STX8: variants seen among roughly 807,000 people sequenced by gnomAD.
STX8 encodes the protein syntaxin-8.
Under a neutral mutation model 37.5 loss-of-function variants are expected in STX8, and 23 were observed. That is an observed-to-expected ratio of 0.61 (90% CI 0.44 to 0.87). The LOEUF (loss-of-function observed/expected upper bound fraction) is 0.87, where lower values mean the gene tolerates loss of function less well. Among genes scored for constraint, STX8 ranks in the 40% least tolerant of loss-of-function variants. The probability of loss-of-function intolerance (pLI) is 0.00; values close to 1 mark genes in which losing one functional copy is unlikely to be tolerated. For synonymous variants in STX8, 115 were observed against 99.1 expected, an observed-to-expected ratio of 1.16 and a Z score of -0.95; for missense variants, 313 against 284.7, an observed-to-expected ratio of 1.10 and a Z score of -0.71.
chr17:9,307,283 C>T (rs556752480), intron 7 of STX8, among the ~76,000 whole-genome samples: 2 of 152,244 alleles, frequency 1.3e-5, no homozygotes, highest in East Asian at 3.9e-4. Flanking sequence ...ATGTGAATTC[C>T]ATCACTAGGC....
At chr17:9,270,963 G>T (rs2142139061) in intron 7 of STX8, among the ~76,000 whole-genome samples, 1 of 152,190 alleles carries the variant, frequency 6.6e-6, no homozygotes, top group East Asian at 1.9e-4. Flanking sequence ...CAGACAACTG[G>T]GCCCATTTTG....
chr17:9,569,751 G>GA (rs1907610434), intron 1 of STX8: 5 of 152,084 alleles, frequency 3.3e-5, no homozygotes, highest in Non-Finnish European at 7.3e-5. Context: ...TTCGAGACCA[G>GA]CCTGGCCAAC....
At chr17:9,389,627 A>G (rs550891824) in intron 6 of STX8, among the ~76,000 whole-genome samples, 2 of 151,912 alleles carry the variant, frequency 1.3e-5, no homozygotes, top group African/African-American at 4.9e-5. Context: ...CATTCTATAT[A>G]TAGGGAGAGA....
intron 7 of STX8, among the ~76,000 whole-genome samples, chr17:9,294,949 G>A (rs550804131): frequency 4.1e-4 from 63 of 152,336 alleles, no homozygotes; most frequent in African/African-American, 1.5e-3. Flanking sequence ...CAAGAAGGCA[G>A]CCATCTGCAA....
chr17:9,479,225 T>C (rs1473141798), intron 6 of STX8, among the ~76,000 whole-genome samples: 2 of 152,096 alleles, frequency 1.3e-5, no homozygotes, highest in Non-Finnish European at 2.9e-5. Flanking sequence ...AAAATATATA[T>C]ACTTAATATA....
At chr17:9,557,349 G>C (rs1022572892) in intron 3 of STX8, 85 bp downstream of exon 3, 3 of 1,136,764 alleles carry the variant, frequency 2.6e-6, no homozygotes, top group African/African-American at 3.1e-5. Context: ...GGGAAAATCT[G>C]GGTGGCCCAG....
intron 6 of STX8, among the ~76,000 whole-genome samples, chr17:9,483,855 T>A (rs1906457963): frequency 6.6e-6 from 1 of 152,118 alleles, no homozygotes; most frequent in Admixed American, 6.6e-5. Context: ...ATCTCAATAA[T>A]CCAGCATCTT....
At chr17:9,372,003 T>G (rs1326513197) in intron 7 of STX8, among the ~76,000 whole-genome samples, 1 of 152,150 alleles carries the variant, frequency 6.6e-6, no homozygotes, top group Non-Finnish European at 1.5e-5. Context: ...CCTTAGAAAT[T>G]TATTTTTAGT....
At chr17:9,408,900 G>C (rs1912887684) in intron 6 of STX8, among the ~76,000 whole-genome samples, 1 of 152,154 alleles carries the variant, frequency 6.6e-6, no homozygotes, top group African/African-American at 2.4e-5. Flanking sequence ...TGGGGATTCT[G>C]AGAAATTAGG....
At chr17:9,378,709 G>T in intron 6 of STX8, 56 bp from the exon 7 acceptor site, 1 of 1,297,324 alleles carries the variant, frequency 7.7e-7, no homozygotes, top group Non-Finnish European at 1.1e-6. Flanking sequence ...TCACATCACA[G>T]TATCACAGCT....
In STX8 at chr17:9,270,652, A is replaced by G. The variant is rs1214770036; in HGVS notation, c.644-20007T>C. ...TAAGTGCTCAGTAAATATGTGTTAA[A>G]GAAATGAATGAATGAGTGAAGAAAT... On this transcript the variant is annotated intron_variant, in intron 7 of 7. Transcript: ENST00000306357. Among the ~76,000 whole-genome samples the G allele has an allele frequency of 3.3e-5, 5 of 152,340 alleles. No individual in the cohort carries two copies. In the East Asian group the frequency reaches 7.7e-4, roughly 23 times the overall value.
At chr17:9,335,587 T>C (rs950229485) in intron 7 of STX8, among the ~76,000 whole-genome samples, 8 of 147,878 alleles carry the variant, frequency 5.4e-5, no homozygotes, top group Non-Finnish European at 8.9e-5. Flanking sequence ...ACACCCAAAC[T>C]GTTAGTAGTC....
chr17:9,305,903 C>T (rs1877276671), intron 7 of STX8, among the ~76,000 whole-genome samples: 1 of 151,768 alleles, frequency 6.6e-6, no homozygotes, highest in Non-Finnish European at 1.5e-5. Flanking sequence ...CACCACCATT[C>T]CCGGCTAATT....
intron 6 of STX8, among the ~76,000 whole-genome samples, chr17:9,397,697 C>T (rs1445371805): frequency 5.3e-5 from 8 of 151,940 alleles, no homozygotes; most frequent in African/African-American, 1.2e-4. Flanking sequence ...TGATTGAGGC[C>T]GGGCACGGTA....
chr17:9,257,246 A>G (rs2142121906), intron 7 of STX8, among the ~76,000 whole-genome samples: 1 of 152,370 alleles, frequency 6.6e-6, no homozygotes, highest in South Asian at 2.1e-4. Flanking sequence ...GCAATTAAAA[A>G]AAGATGTAAG....
At chr17:9,310,631 G>A (rs1411730158) in intron 7 of STX8, among the ~76,000 whole-genome samples, 1 of 152,146 alleles carries the variant, frequency 6.6e-6, no homozygotes, top group East Asian at 1.9e-4. Context: ...GGACAGGATG[G>A]GCTGAGATGA....
At chr17:9,545,148 TC>T in intron 4 of STX8, 23 bp downstream of exon 4, 3 of 1,537,760 alleles carry the variant, frequency 2.0e-6, no homozygotes, top group Non-Finnish European at 2.7e-6. Flanking sequence ...CACCAAGTAA[TC>T]CCTGTAAATA....
intron 7 of STX8, among the ~76,000 whole-genome samples, chr17:9,333,209 G>A (rs1349046921): frequency 6.6e-6 from 1 of 152,106 alleles, no homozygotes; most frequent in Non-Finnish European, 1.5e-5. Context: ...GAGGTAGTGA[G>A]CACAGTATCC....
chr17:9,272,657 G>A (rs779851658), intron 7 of STX8, among the ~76,000 whole-genome samples: 9 of 152,158 alleles, frequency 5.9e-5, no homozygotes, highest in Admixed American at 4.6e-4. Context: ...GGCTTTCTTC[G>A]AACACCGTGG....
Sources: allele counts gnomAD v4.1 joint callset (sites outside exome capture counted in the v4.1 genomes callset), GRCh38; gene constraint gnomAD v4.1.1; transcripts MANE v1.5; gene names NCBI Gene and HGNC (gene_info 2026-07-23, HGNC 2026-07-21).